OPCML: variants seen among roughly 807,000 people sequenced by gnomAD.
OPCML encodes the protein opioid-binding protein/cell adhesion molecule.
A neutral mutation model predicts 37.8 loss-of-function variants in OPCML; 13 were observed. The observed-to-expected ratio is 0.34, with a 90% CI of 0.22 to 0.55. OPCML has a LOEUF of 0.55. Ranked by LOEUF, OPCML falls within the 20% of genes least tolerant of loss-of-function variation. The pLI is 0.91. For synonymous variants in OPCML, 176 were observed against 168.8 expected (o/e 1.04, Z -0.33); for missense variants, 341 against 435.6 (o/e 0.78, Z 1.93).
chr11:132,961,289 A>G (rs763761123), intron 1 of OPCML, among the ~76,000 whole-genome samples: 5 of 152,214 alleles, frequency 3.3e-5, no homozygotes, highest in Non-Finnish European at 7.3e-5. Flanking sequence ...AATGGATTCT[A>G]AGATTTCTAC....
chr11:132,664,062 G>A (rs1210788829), intron 2 of OPCML, among the ~76,000 whole-genome samples: 1 of 152,118 alleles, frequency 6.6e-6, no homozygotes, highest in Non-Finnish European at 1.5e-5. Flanking sequence ...TCGATCTCCT[G>A]ACCTCATGAT....
At chr11:133,351,492 G>C (rs986040610) in intron 1 of OPCML, among the ~76,000 whole-genome samples, 1 of 151,828 alleles carries the variant, frequency 6.6e-6, no homozygotes, top group African/African-American at 2.4e-5. Context: ...GCATTTACTT[G>C]CTTGTTAATT....
intron 1 of OPCML, among the ~76,000 whole-genome samples, chr11:133,216,159 CCTGCCT>C (rs1592112678): frequency 6.6e-6 from 1 of 152,164 alleles, no homozygotes; most frequent in Non-Finnish European, 1.5e-5. Context: ...ATGTGATTGC[CCTGCCT>C]CTGCTGAAGC....
At chr11:133,220,899 AGAT>A (rs1221029011) in intron 1 of OPCML, among the ~76,000 whole-genome samples, 19 of 152,158 alleles carry the variant, frequency 1.2e-4, no homozygotes, top group Non-Finnish European at 2.8e-4. Context: ...TAGCCATGGA[AGAT>A]CCCCAGGCCT....
At chr11:133,223,266 GAA>G (rs1414233785) in intron 1 of OPCML, among the ~76,000 whole-genome samples, 1 of 152,222 alleles carries the variant, frequency 6.6e-6, no homozygotes, top group African/African-American at 2.4e-5. Flanking sequence ...GCTTTGCACA[GAA>G]AAGTCCTTTA....
At chr11:132,496,225 A>G (rs577004970) in intron 4 of OPCML, among the ~76,000 whole-genome samples, 1 of 152,340 alleles carries the variant, frequency 6.6e-6, no homozygotes, top group South Asian at 2.1e-4. Flanking sequence ...GTGAGATAGC[A>G]TAAACGGATG....
intron 1 of OPCML, among the ~76,000 whole-genome samples, chr11:133,077,539 AT>A (rs879460498): frequency 3.2e-4 from 49 of 152,298 alleles, no homozygotes; most frequent in Non-Finnish European, 6.0e-4. Context: ...CTCGGTAAGA[AT>A]TTTTTTAATT....
At chr11:133,369,202 AT>A (rs1452016471) in intron 1 of OPCML, among the ~76,000 whole-genome samples, 1 of 152,214 alleles carries the variant, frequency 6.6e-6, no homozygotes, top group East Asian at 1.9e-4. Context: ...AAATGTAATA[AT>A]TTGTTAAGCA....
rs183287808 is a variant in OPCML, at chr11:132,623,514, T to A, written c.379+33573A>T. Among the ~76,000 whole-genome samples, 49 of 152,342 alleles carry A rather than the reference T, an allele frequency of 3.2e-4. 1 individual carries two copies. The highest frequency in any genetic ancestry group is 1.1e-3 in the African/African-American group (46 of 41,588). ...TTGCTCCCTGGAAAGTACTTCCATTTTCTAATTGTTCATAAATTTACTGAC... is the reference window on the plus strand; with the variant it reads ...TTGCTCCCTGGAAAGTACTTCCATTATCTAATTGTTCATAAATTTACTGAC... On this transcript the variant is annotated intron_variant, in intron 3 of 7. Coordinates refer to ENST00000524381, the MANE Select transcript of OPCML (RefSeq NM_001012393.5).
At chr11:132,904,307 C>T (rs942222990) in intron 2 of OPCML, among the ~76,000 whole-genome samples, 6 of 152,334 alleles carry the variant, frequency 3.9e-5, no homozygotes, top group South Asian at 4.1e-4. Flanking sequence ...CTGCCCAGCA[C>T]TCATCCATGC....
At chr11:132,476,987 C>T (rs1421724116) in intron 4 of OPCML, among the ~76,000 whole-genome samples, 1 of 152,058 alleles carries the variant, frequency 6.6e-6, no homozygotes, top group Non-Finnish European at 1.5e-5. Context: ...ATCCATTATG[C>T]TGAATTAATA....
chr11:132,584,355 T>A (rs2096468094), intron 3 of OPCML, among the ~76,000 whole-genome samples: 1 of 152,160 alleles, frequency 6.6e-6, no homozygotes, highest in Non-Finnish European at 1.5e-5. Flanking sequence ...ATTAATGATT[T>A]TTCACAATCC....
intron 3 of OPCML, among the ~76,000 whole-genome samples, chr11:132,533,525 T>C (rs1409626179): frequency 6.6e-6 from 1 of 152,198 alleles, no homozygotes; most frequent in Non-Finnish European, 1.5e-5. Flanking sequence ...TTTAAATATC[T>C]TGCTTCTGCC....
chr11:133,482,345 G>A (rs938680147), intron 1 of OPCML, among the ~76,000 whole-genome samples: 1 of 152,220 alleles, frequency 6.6e-6, no homozygotes, highest in Non-Finnish European at 1.5e-5. Context: ...AGGGTGGCTA[G>A]CGAGGTGTTC....
intron 3 of OPCML, among the ~76,000 whole-genome samples, chr11:132,603,761 A>C (rs1273799724): frequency 6.6e-6 from 1 of 152,214 alleles, no homozygotes; most frequent in Non-Finnish European, 1.5e-5. Context: ...GTACTCTAGC[A>C]ATACTAAACT....
chr11:132,482,657 T>C (rs927074498), intron 4 of OPCML, among the ~76,000 whole-genome samples: 1 of 152,198 alleles, frequency 6.6e-6, no homozygotes, highest in Non-Finnish European at 1.5e-5. Flanking sequence ...TGAACATTGA[T>C]GCAAAATCCT....
chr11:132,908,628 AC>A (rs1944321952), intron 2 of OPCML, among the ~76,000 whole-genome samples: 1 of 152,114 alleles, frequency 6.6e-6, no homozygotes, highest in Admixed American at 6.5e-5. Flanking sequence ...TGTGGTCACC[AC>A]CCCCGGATTG....
At chr11:133,063,347 C>T (rs1413084456) in intron 1 of OPCML, among the ~76,000 whole-genome samples, 1 of 152,124 alleles carries the variant, frequency 6.6e-6, no homozygotes, top group Non-Finnish European at 1.5e-5. Context: ...GACAGCCTCC[C>T]ATGGGGTCAG....
At chr11:133,291,547 G>T (rs1365683998) in intron 1 of OPCML, among the ~76,000 whole-genome samples, 1 of 152,218 alleles carries the variant, frequency 6.6e-6, no homozygotes, top group Non-Finnish European at 1.5e-5. Context: ...AGCTGACATG[G>T]TTGCAGGTTC....
Sources: gnomAD v4.1 joint callset for allele counts (sites outside exome capture counted in the v4.1 genomes callset) on GRCh38, gnomAD v4.1.1 for gene constraint, MANE v1.5 for transcripts, NCBI Gene and HGNC (gene_info 2026-07-23, HGNC 2026-07-21) for gene names.